The following KIAA1328 variants were observed in gnomAD, a reference collection of about 807,000 sequenced individuals.
KIAA1328 encodes KIAA1328, also known as protein hinderin.
In KIAA1328, 52 loss-of-function variants were observed where a neutral mutation model predicts 68.1. The ratio of observed to expected loss-of-function variants is 0.76; its 90% confidence interval spans 0.61 to 0.96. KIAA1328 has a LOEUF of 0.96. Ranked by LOEUF, KIAA1328 falls within the 40% of genes least tolerant of loss-of-function variation. The pLI is 0.00. For missense variants in KIAA1328, 641 were observed against 677.6 expected (o/e 0.95, Z 0.60); for synonymous variants, 232 against 239.4 (o/e 0.97, Z 0.28).
chr18:36,851,919 T>C (rs966589095), intron 4 of KIAA1328, among the ~76,000 whole-genome samples: 1 of 152,108 alleles, frequency 6.6e-6, no homozygotes, highest in Non-Finnish European at 1.5e-5. Context: ...TAGGAATTTA[T>C]AGCTATAAAT....
chr18:36,855,408 G>A (rs2047350656), intron 4 of KIAA1328, among the ~76,000 whole-genome samples: 1 of 152,088 alleles, frequency 6.6e-6, no homozygotes, highest in Non-Finnish European at 1.5e-5. Context: ...GACTGTTTAT[G>A]TTGAGGGTCT....
intron 7 of KIAA1328, among the ~76,000 whole-genome samples, chr18:37,121,416 T>TCTATCTATCTA (rs1556892132): frequency 6.7e-6 from 1 of 148,708 alleles, no homozygotes; most frequent in Admixed American, 6.8e-5. Context: ...ATTTTAGGAC[T>TCTATCTATCTA]TCTATCTATC....
At chr18:37,184,946 G>A (rs957969622) in intron 9 of KIAA1328, among the ~76,000 whole-genome samples, 1 of 151,936 alleles carries the variant, frequency 6.6e-6, no homozygotes, top group African/African-American at 2.4e-5. Flanking sequence ...GGCGGATCAC[G>A]AGGTCAGGAG....
intron 5 of KIAA1328, among the ~76,000 whole-genome samples, chr18:36,890,527 CG>C (rs2150998263): frequency 6.6e-6 from 1 of 152,016 alleles, no homozygotes; most frequent in East Asian, 1.9e-4. Flanking sequence ...AAAAATTAGC[CG>C]GGCAAGGTGG....
intron 6 of KIAA1328, among the ~76,000 whole-genome samples, chr18:37,005,282 G>A (rs775753279): frequency 1.3e-4 from 20 of 151,988 alleles, no homozygotes; most frequent in Non-Finnish European, 2.6e-4. Flanking sequence ...ACAGAGGTGG[G>A]CAAAGGACAT....
intron 6 of KIAA1328, among the ~76,000 whole-genome samples, chr18:37,008,378 A>C (rs1339187189): frequency 6.6e-6 from 1 of 152,236 alleles, no homozygotes; most frequent in Non-Finnish European, 1.5e-5. Flanking sequence ...TCGTGGTGTA[A>C]ACCAAACTTA....
intron 7 of KIAA1328, among the ~76,000 whole-genome samples, chr18:37,087,817 A>C (rs1239697945): frequency 2.0e-5 from 3 of 152,204 alleles, no homozygotes; most frequent in African/African-American, 7.2e-5. Context: ...GGAGTAAAAA[A>C]AAATGGGCTC....
In KIAA1328 at chr18:37,160,319, C is replaced by G. The variant is rs147707257; in HGVS notation, c.1352C>G (p.Ser451Trp). 1.2e-6 allele frequency: 2 copies of G among 1,613,360 alleles called. No homozygotes were observed. The highest frequency in any genetic ancestry group is 3.3e-5 in the Admixed American group (2 of 59,970). ...RKERKTVGFH[S>W]HMKDDAQWSC... ...GAGAGGAAGACAGTTGGGTTTCATT[C>G]GCATATGAAAGATGATGCCCAGTGG... The change falls in exon 8 of 10, where the codon TCG becomes TGG. Residue 451 changes from serine (S) to tryptophan (W), a missense_variant. Physicochemically the swap from Ser to Trp is radical, Grantham distance 177 (BLOSUM62 -3). Transcript: ENST00000280020.
chr18:37,103,875 C>T (rs1264875200), intron 7 of KIAA1328, among the ~76,000 whole-genome samples: 5 of 151,658 alleles, frequency 3.3e-5, no homozygotes, highest in African/African-American at 4.8e-5. Flanking sequence ...ATAGGTATTT[C>T]TCAAAAGAAG....
At chr18:36,870,021 T>C (rs964862963) in intron 4 of KIAA1328, among the ~76,000 whole-genome samples, 1 of 151,686 alleles carries the variant, frequency 6.6e-6, no homozygotes, top group Non-Finnish European at 1.5e-5. Context: ...CGCCACCACG[T>C]CCAGCTGATT....
At chr18:37,048,947 A>G (rs531613445) in intron 6 of KIAA1328, among the ~76,000 whole-genome samples, 43 of 152,292 alleles carry the variant, frequency 2.8e-4, no homozygotes, top group African/African-American at 9.9e-4. Context: ...AATTGTAAAG[A>G]ATGGTGTTAT....
intron 5 of KIAA1328, among the ~76,000 whole-genome samples, chr18:36,919,659 A>C (rs568549123): frequency 6.6e-6 from 1 of 152,218 alleles, no homozygotes; most frequent in Non-Finnish European, 1.5e-5. Context: ...ACTGCTTTCC[A>C]CAGTGGCTGA....
intron 3 of KIAA1328, among the ~76,000 whole-genome samples, chr18:36,841,057 T>G (rs775936633): frequency 2.6e-5 from 4 of 152,050 alleles, no homozygotes; most frequent in Non-Finnish European, 5.9e-5. Context: ...GTGTCCTTTT[T>G]GCTAGTGAGG....
At chr18:36,869,384 G>A (rs183866892) in intron 4 of KIAA1328, among the ~76,000 whole-genome samples, 60 of 152,184 alleles carry the variant, frequency 3.9e-4, no homozygotes, top group African/African-American at 1.4e-3. Flanking sequence ...CTTTTGCGTA[G>A]TATGTGGATA....
chr18:36,844,085 A>G, intron 3 of KIAA1328, 123 bp from the exon 4 acceptor site: 2 of 588,518 alleles, frequency 3.4e-6, no homozygotes, highest in Non-Finnish European at 6.0e-6. Context: ...TTAAATTGAA[A>G]CAGGTAGATA....
intron 6 of KIAA1328, among the ~76,000 whole-genome samples, chr18:37,021,465 C>G (rs2054343714): frequency 6.6e-6 from 1 of 152,086 alleles, no homozygotes; most frequent in Non-Finnish European, 1.5e-5. Flanking sequence ...GTATGAGAAA[C>G]TTTTCTTTTT....
intron 5 of KIAA1328, among the ~76,000 whole-genome samples, chr18:36,950,182 T>G (rs1403721206): frequency 6.6e-6 from 1 of 152,100 alleles, no homozygotes; most frequent in Admixed American, 6.5e-5. Context: ...GAAAAGAAAA[T>G]GATTGTAAGG....
At chr18:37,123,699 G>A (rs1439716136) in intron 7 of KIAA1328, among the ~76,000 whole-genome samples, 1 of 152,114 alleles carries the variant, frequency 6.6e-6, no homozygotes, top group African/African-American at 2.4e-5. Flanking sequence ...AGGCATCAAA[G>A]AGACTGAAAC....
intron 7 of KIAA1328, among the ~76,000 whole-genome samples, chr18:37,117,738 C>T (rs1030273433): frequency 2.6e-5 from 4 of 152,038 alleles, no homozygotes; most frequent in African/African-American, 4.8e-5. Context: ...CAGAAAAGGA[C>T]GCAAAGTCCT....
Sources: allele counts gnomAD v4.1 joint callset (sites outside exome capture counted in the v4.1 genomes callset), GRCh38; gene constraint gnomAD v4.1.1; transcripts MANE v1.5; gene names NCBI Gene and HGNC (gene_info 2026-07-23, HGNC 2026-07-21).